CNKSR3: variants seen among roughly 807,000 people sequenced by gnomAD.
CNKSR3 encodes CNKSR family member 3.
A neutral mutation model predicts 67.7 loss-of-function variants in CNKSR3; 36 were observed. The ratio of observed to expected loss-of-function variants is 0.53; its 90% CI spans 0.41 to 0.70. The LOEUF (loss-of-function observed/expected upper bound fraction) is 0.70. Among genes scored for constraint, CNKSR3 ranks in the 30% least tolerant of loss-of-function variants. The pLI, the probability that CNKSR3 is intolerant of heterozygous loss-of-function variation, is 0.00. For synonymous variants in CNKSR3, 281 were observed against 271.4 expected (o/e 1.04, Z -0.35); for missense variants, 630 against 695.2 (o/e 0.91, Z 1.05).
intron 1 of CNKSR3, among the ~76,000 whole-genome samples, chr6:154,485,990 T>C (rs892364803): frequency 6.6e-6 from 1 of 152,174 alleles, no homozygotes; most frequent in Non-Finnish European, 1.5e-5. Context: ...CACTACATCG[T>C]GGACACACCC....
intron 6 of CNKSR3, among the ~76,000 whole-genome samples, chr6:154,428,642 C>A (rs1294924889): frequency 1.3e-5 from 2 of 152,120 alleles, no homozygotes; most frequent in African/African-American, 4.8e-5. Context: ...CTCAGCCTCC[C>A]CAAGTAGCCA....
At chr6:154,501,366 C>T (rs765350586) in intron 1 of CNKSR3, among the ~76,000 whole-genome samples, 1 of 152,034 alleles carries the variant, frequency 6.6e-6, no homozygotes, top group South Asian at 2.1e-4. Context: ...TGCTTTCCAC[C>T]GTAACTATTA....
At chr6:154,444,605 CTTTTTT>C (rs775511533) in intron 2 of CNKSR3, among the ~76,000 whole-genome samples, 7 of 135,848 alleles carry the variant, frequency 5.2e-5, no homozygotes, top group Non-Finnish European at 9.5e-5. Flanking sequence ...AGTGGAGAAA[CTTTTTT>C]TTTTTTTTTT....
At chr6:154,498,719 G>C (rs1786925725) in intron 1 of CNKSR3, among the ~76,000 whole-genome samples, 1 of 151,776 alleles carries the variant, frequency 6.6e-6, no homozygotes, top group Admixed American at 6.6e-5. Context: ...CATGGGTTTT[G>C]CCAAAAGTAC....
chr6:154,412,763 A>C (rs1362734101), intron 10 of CNKSR3, among the ~76,000 whole-genome samples: 5 of 152,218 alleles, frequency 3.3e-5, no homozygotes, highest in African/African-American at 1.2e-4. Context: ...ACCAACAAAC[A>C]AAAAATTCTG....
chr6:154,416,623 C>T (rs1304288473), intron 9 of CNKSR3, among the ~76,000 whole-genome samples: 1 of 152,126 alleles, frequency 6.6e-6, no homozygotes, highest in Non-Finnish European at 1.5e-5. Context: ...AATGCCTTTT[C>T]TATGATAGGA....
chr6:154,470,897 C>T (rs1786315579), intron 1 of CNKSR3, among the ~76,000 whole-genome samples: 1 of 152,182 alleles, frequency 6.6e-6, no homozygotes, highest in Non-Finnish European at 1.5e-5. Context: ...ACATTCCTGC[C>T]AGCAATTTAT....
chr6:154,509,529 T>C (rs1787170544), intron 1 of CNKSR3, among the ~76,000 whole-genome samples: 1 of 150,474 alleles, frequency 6.6e-6, no homozygotes, highest in African/African-American at 2.4e-5. Flanking sequence ...TGTTGGCTTT[T>C]GCGCGGCCCT....
rs984621159 is a variant in CNKSR3 at position 154,404,193 on chromosome 6, A to T, written c.*2161T>A. On this transcript the variant is annotated 3_prime_UTR_variant, in exon 13 of 13. Coordinates refer to ENST00000607772, the MANE Select transcript of CNKSR3 (RefSeq NM_173515.4). ...TCTCCATGTCTCCATGAAATACCAG[A>T]TCTTTTTCTTTTTGTTTTTTTTTTG... 6.6e-6 allele frequency: 1 copy of T among 151,734 alleles called. No individual in the cohort carries two copies. Among genetic ancestry groups the T allele is most frequent in the Non-Finnish European group, 1.5e-5 (1 of 68,316 alleles). The allele number at this position is 151,734 out of a possible 1,614,324, so 9.4% of individuals were successfully genotyped here.
chr6:154,498,747 A>C (rs1487480246), intron 1 of CNKSR3, among the ~76,000 whole-genome samples: 1 of 152,162 alleles, frequency 6.6e-6, no homozygotes, highest in African/African-American at 2.4e-5. Context: ...AATTCCATCT[A>C]CACTGATTCA....
chr6:154,483,124 A>G (rs1786598458), intron 1 of CNKSR3, among the ~76,000 whole-genome samples: 1 of 152,226 alleles, frequency 6.6e-6, no homozygotes, highest in Admixed American at 6.5e-5. Context: ...AGTCTCAAAC[A>G]GAGCCTGCTG....
chr6:154,506,876 C>T (rs76703885), intron 1 of CNKSR3, among the ~76,000 whole-genome samples: 7 of 152,316 alleles, frequency 4.6e-5, no homozygotes, highest in South Asian at 2.1e-4. Context: ...GAGACTCCTC[C>T]GCTACCATAT....
intron 1 of CNKSR3, among the ~76,000 whole-genome samples, chr6:154,506,429 T>C (rs982856082): frequency 6.6e-6 from 1 of 152,174 alleles, no homozygotes. Flanking sequence ...CATGTGACAT[T>C]TCTGGCACCT....
intron 1 of CNKSR3, among the ~76,000 whole-genome samples, chr6:154,470,089 A>C (rs1398855095): frequency 6.6e-6 from 1 of 151,500 alleles, no homozygotes; most frequent in African/African-American, 2.4e-5. Flanking sequence ...CTGTAATTTG[A>C]GAACATTTCC....
At position 154,388,744 on chromosome 6, in the gene CNKSR3, T is replaced by A. The variant is rs1250420932; in HGVS notation, c.*17610A>T. The A allele has an allele frequency of 1.3e-5, 2 of 152,136 alleles. No individual in the cohort carries two copies. Among genetic ancestry groups the A allele is most frequent in the African/African-American group, 4.8e-5 (2 of 41,412 alleles). 9.4% of individuals were successfully genotyped at this position (152,136 alleles called of 1,614,324 possible). ...GTTGATATCTCACGGTGGTTTTGATTTGCATTGCCCTGATGATCAGTGATG... is the reference window on the plus strand; with the variant it reads ...GTTGATATCTCACGGTGGTTTTGATATGCATTGCCCTGATGATCAGTGATG... On this transcript the variant is annotated 3_prime_UTR_variant, in exon 13 of 13. Coordinates refer to ENST00000607772, the MANE Select transcript of CNKSR3 (RefSeq NM_173515.4).
intron 9 of CNKSR3, among the ~76,000 whole-genome samples, chr6:154,414,954 C>T (rs1399275355): frequency 6.6e-6 from 1 of 151,582 alleles, no homozygotes; most frequent in Non-Finnish European, 1.5e-5. Flanking sequence ...AAAAATTAGC[C>T]AGGCGTGGTG....
intron 1 of CNKSR3, among the ~76,000 whole-genome samples, chr6:154,475,840 C>T (rs1344263258): frequency 2.0e-5 from 3 of 151,974 alleles, no homozygotes; most frequent in Non-Finnish European, 2.9e-5. Flanking sequence ...ACGTGGTCGA[C>T]GACCAATAAA....
intron 8 of CNKSR3, 59 bp downstream of exon 8, chr6:154,422,856 G>C: frequency 2.2e-6 from 3 of 1,393,312 alleles, no homozygotes; most frequent in Non-Finnish European, 3.0e-6. Flanking sequence ...AAACAAAATG[G>C]TTTTAGATTT....
In CNKSR3 at chr6:154,442,073, A is replaced by G. The variant is rs763177672; in HGVS notation, c.419+15T>C. 6.3e-7 allele frequency: 1 copy of G among 1,587,408 alleles called. No individual in the cohort carries two copies. The highest frequency in any genetic ancestry group is 1.3e-5 in the African/African-American group (1 of 74,164). On this transcript the variant is annotated intron_variant, in intron 3 of 12. Coordinates refer to ENST00000607772, the MANE Select transcript of CNKSR3 (RefSeq NM_173515.4). ...CTACTCTTGCAGGGCAGTAAAAGGCACATCTCCAACTTACCGGTCCAGCCA... is the reference window on the plus strand; with the variant it reads ...CTACTCTTGCAGGGCAGTAAAAGGCGCATCTCCAACTTACCGGTCCAGCCA...
Sources: gnomAD v4.1 joint callset for allele counts (sites outside exome capture counted in the v4.1 genomes callset) on GRCh38, gnomAD v4.1.1 for gene constraint, MANE v1.5 for transcripts, NCBI Gene and HGNC (gene_info 2026-07-23, HGNC 2026-07-21) for gene names.